TCF12: variants seen among roughly 807,000 people sequenced by gnomAD.
The protein encoded by TCF12 is transcription factor 12, also known as DNA-binding protein HTF4.
A neutral mutation model predicts 86.0 loss-of-function variants in TCF12; 45 were observed. The ratio of observed to expected loss-of-function variants is 0.52; its 90% CI spans 0.41 to 0.67. TCF12 has a LOEUF of 0.67. Ranked by LOEUF, TCF12 falls within the 30% of genes least tolerant of loss-of-function variation. TCF12 has a pLI of 0.00. For synonymous variants in TCF12, 330 were observed against 299.6 expected (o/e 1.10, Z -1.05); for missense variants, 881 against 859.9 (o/e 1.02, Z -0.31).
intron 3 of TCF12, among the ~76,000 whole-genome samples, chr15:57,019,045 A>G (rs1006057401): frequency 2.6e-5 from 4 of 152,146 alleles, no homozygotes; most frequent in African/African-American, 9.7e-5. Context: ...TGTTTTTGGA[A>G]TTTGGTAGCT....
At chr15:57,102,671 AC>A (rs1596536382) in intron 5 of TCF12, among the ~76,000 whole-genome samples, 1 of 152,158 alleles carries the variant, frequency 6.6e-6, no homozygotes, top group Non-Finnish European at 1.5e-5. Context: ...TATTTAAAAA[AC>A]AAATTCAGAC....
chr15:57,088,587 G>A (rs2048796732), intron 4 of TCF12, among the ~76,000 whole-genome samples: 1 of 151,184 alleles, frequency 6.6e-6, no homozygotes, highest in South Asian at 2.1e-4. Context: ...TTCAGTGGGG[G>A]GTGCCTGGCT....
chr15:57,223,833 G>A (rs901061987), intron 8 of TCF12, among the ~76,000 whole-genome samples: 5 of 151,396 alleles, frequency 3.3e-5, no homozygotes, highest in African/African-American at 1.2e-4. Context: ...CATGAGAGAA[G>A]AATATACAAT....
At chr15:57,054,473 T>C (rs984698528) in intron 3 of TCF12, among the ~76,000 whole-genome samples, 4 of 152,214 alleles carry the variant, frequency 2.6e-5, no homozygotes, top group African/African-American at 9.7e-5. Flanking sequence ...CATCTTCCTT[T>C]TCTAACCACC....
intron 5 of TCF12, among the ~76,000 whole-genome samples, chr15:57,096,916 T>G (rs147347454): frequency 2.5e-4 from 38 of 152,276 alleles, no homozygotes; most frequent in African/African-American, 9.1e-4. Context: ...ACCAAGTGTC[T>G]TCCCATTGCT....
chr15:57,138,773 G>T (rs2052745793), intron 5 of TCF12, among the ~76,000 whole-genome samples: 2 of 152,146 alleles, frequency 1.3e-5, no homozygotes, highest in Non-Finnish European at 2.9e-5. Context: ...AAATGACCAG[G>T]TATTTTCATT....
chr15:57,127,714 A>G (rs11071307), intron 5 of TCF12, among the ~76,000 whole-genome samples: 27,871 of 152,194 alleles, frequency 0.18, 3,047 homozygotes, highest in Non-Finnish European at 0.24. Flanking sequence ...AAGAATAGAT[A>G]CAGAGAACTC....
intron 3 of TCF12, among the ~76,000 whole-genome samples, chr15:57,046,352 T>C (rs1343574087): frequency 6.6e-6 from 1 of 152,236 alleles, no homozygotes; most frequent in Non-Finnish European, 1.5e-5. Context: ...CTTTCTTTGT[T>C]GACTTGAAGA....
At chr15:57,104,861 GTTTTTTTTTTTTT>G (rs11336613) in intron 5 of TCF12, among the ~76,000 whole-genome samples, 6 of 71,448 alleles carry the variant, frequency 8.4e-5, no homozygotes, top group Non-Finnish European at 1.2e-4. Context: ...CTTTGGTGGT[GTTTTTTTTTTTTT>G]TTTTTTTTTT....
intron 3 of TCF12, among the ~76,000 whole-genome samples, chr15:56,921,307 A>G (rs2059781081): frequency 6.6e-6 from 1 of 152,130 alleles, no homozygotes; most frequent in South Asian, 2.1e-4. Flanking sequence ...GTTTACAATT[A>G]TTTAAAATGT....
intron 5 of TCF12, among the ~76,000 whole-genome samples, chr15:57,127,253 G>T (rs2051732767): frequency 6.6e-6 from 1 of 151,874 alleles, no homozygotes; most frequent in African/African-American, 2.4e-5. Context: ...AAAGTGCTGG[G>T]ATTACAGGTG....
chr15:57,026,580 C>G (rs114764706), intron 3 of TCF12, among the ~76,000 whole-genome samples: 2 of 152,174 alleles, frequency 1.3e-5, no homozygotes, highest in Non-Finnish European at 2.9e-5. Flanking sequence ...GAAAAACATT[C>G]AACTCAGTAA....
intron 19 of TCF12, among the ~76,000 whole-genome samples, chr15:57,277,432 C>A (rs1025689815): frequency 6.6e-6 from 1 of 151,598 alleles, no homozygotes; most frequent in Non-Finnish European, 1.5e-5. Flanking sequence ...AGATCGAGAC[C>A]ATCCTTGGCA....
intron 3 of TCF12, among the ~76,000 whole-genome samples, chr15:57,002,174 A>G (rs1163763078): frequency 6.6e-6 from 1 of 152,200 alleles, no homozygotes; most frequent in Non-Finnish European, 1.5e-5. Flanking sequence ...CAATAGGCAA[A>G]GACATGATGG....
At chr15:57,216,239 C>G (rs1331143691) in intron 8 of TCF12, among the ~76,000 whole-genome samples, 1 of 152,014 alleles carries the variant, frequency 6.6e-6, no homozygotes, top group African/African-American at 2.4e-5. Flanking sequence ...CTCCAAGTTA[C>G]GTATTTTGTC....
At chr15:57,055,404 A>AAAT (rs1297232332) in intron 3 of TCF12, among the ~76,000 whole-genome samples, 132 of 152,240 alleles carry the variant, frequency 8.7e-4, no homozygotes, top group African/African-American at 3.1e-3. Context: ...CTGTCTCAAA[A>AAAT]AATAATAATA....
At chr15:57,233,585 C>T (rs533069859) in intron 11 of TCF12, among the ~76,000 whole-genome samples, 2 of 152,262 alleles carry the variant, frequency 1.3e-5, no homozygotes, top group East Asian at 3.9e-4. Flanking sequence ...TCAGGTGATA[C>T]CCCAGCTTCA....
At chr15:56,980,740 CTT>C (rs1215000502) in intron 3 of TCF12, among the ~76,000 whole-genome samples, 9 of 152,300 alleles carry the variant, frequency 5.9e-5, no homozygotes, top group African/African-American at 2.2e-4. Context: ...TTTCAGTTGT[CTT>C]CTCTTTTCCT....
chr15:57,063,422 A>G (rs1441744636), intron 3 of TCF12, among the ~76,000 whole-genome samples: 3 of 152,172 alleles, frequency 2.0e-5, no homozygotes, highest in African/African-American at 4.8e-5. Context: ...AAACCAGACA[A>G]AGTTTGGGGG....
Sources: allele counts gnomAD v4.1 joint callset (sites outside exome capture counted in the v4.1 genomes callset), GRCh38; gene constraint gnomAD v4.1.1; transcripts MANE v1.5; gene names NCBI Gene and HGNC (gene_info 2026-07-23, HGNC 2026-07-21).